Variants in CD99L2 observed in about 807,000 individuals in gnomAD.
CD99L2 encodes the protein CD99 antigen-like protein 2.
Under a neutral mutation model 27.3 loss-of-function variants are expected in CD99L2, and 24 were observed. That is an observed-to-expected ratio of 0.88 (90% CI 0.64 to 1.24). The LOEUF (loss-of-function observed/expected upper bound fraction) is 1.24, where lower values mean the gene tolerates loss of function less well. Among genes scored for constraint, CD99L2 ranks in the 50% most tolerant of loss-of-function variants. CD99L2 has a pLI of 0.00. For missense variants in CD99L2, 255 were observed against 221.6 expected (o/e 1.15, Z -0.96); for synonymous variants, 97 against 87.9 (o/e 1.10, Z -0.58).
chrX:150,856,038 C>T (rs188315597), intron 1 of CD99L2, among the ~76,000 whole-genome samples: 256 of 112,785 alleles, frequency 2.3e-3, no homozygotes, highest in Non-Finnish European at 3.5e-3. Context: ...TTAAATTCTT[C>T]CCTATCATTC....
At chrX:150,874,618 C>T (rs1023754106) in intron 1 of CD99L2, among the ~76,000 whole-genome samples, 1 of 111,644 alleles carries the variant, frequency 9.0e-6, no homozygotes, top group Non-Finnish European at 1.9e-5. Flanking sequence ...AGGAGAAATG[C>T]CACACCCAGG....
intron 7 of CD99L2, among the ~76,000 whole-genome samples, chrX:150,778,709 T>TAA (rs2045458412): frequency 3.7e-5 from 3 of 80,109 alleles, no homozygotes; most frequent in African/African-American, 1.2e-4. Context: ...TATATATATA[T>TAA]AAATAAAAGA....
chrX:150,830,170 A>G (rs1295971699), intron 2 of CD99L2, among the ~76,000 whole-genome samples: 1 of 110,527 alleles, frequency 9.0e-6, no homozygotes, highest in African/African-American at 3.3e-5. Flanking sequence ...TAAATAAATA[A>G]ACAAATAAAT....
chrX:150,768,909 ACT>A lies in CD99L2; in HGVS notation c.*123_*124del. 9.4e-7 allele frequency: 1 copy of A among 1,064,138 alleles called. No individual in the cohort carries two copies. The highest frequency in any genetic ancestry group is 1.2e-6 in the Non-Finnish European group (1 of 832,479). 87.7% of individuals were successfully genotyped at this position (1,064,138 alleles called of 1,213,427 possible). ...CAAACACCCAGAGCTCATCCGGGAA[ACT>A]CAGACCAACAAGGAGCCGATGGCAC... On this transcript the variant is annotated 3_prime_UTR_variant, in exon 11 of 11. Transcript: ENST00000370377.
chrX:150,814,837 G>T (rs2046128166), intron 4 of CD99L2, 25 bp downstream of exon 4: 2 of 1,128,222 alleles, frequency 1.8e-6, no homozygotes, highest in Non-Finnish European at 2.4e-6. Context: ...GAATCCTGTA[G>T]TAGTTTCAAC....
intron 1 of CD99L2, among the ~76,000 whole-genome samples, chrX:150,844,081 C>G (rs2046663437): frequency 8.9e-6 from 1 of 112,267 alleles, no homozygotes; most frequent in African/African-American, 3.2e-5. Context: ...GAATAACACT[C>G]AAATCAGTCC....
intron 4 of CD99L2, among the ~76,000 whole-genome samples, chrX:150,808,128 A>C (rs1208137332): frequency 1.8e-5 from 2 of 112,514 alleles, no homozygotes; most frequent in Non-Finnish European, 3.8e-5. Flanking sequence ...GCTTCATACA[A>C]CAAAAGACAT....
At chrX:150,856,548 T>C (rs1557421755) in intron 1 of CD99L2, among the ~76,000 whole-genome samples, 1 of 95,933 alleles carries the variant, frequency 1.0e-5, no homozygotes, top group Non-Finnish European at 2.1e-5. Context: ...ATAATTATGC[T>C]GAGTGACAGA....
At chrX:150,777,550 G>C (rs1332538055) in intron 7 of CD99L2, 68 bp from the exon 8 acceptor site, 39 of 1,084,509 alleles carry the variant, frequency 3.6e-5, no homozygotes, top group Non-Finnish European at 4.8e-5. Flanking sequence ...GGGCCTCCGC[G>C]AGACGGATGG....
chrX:150,772,045 C>A (rs1162268386), intron 9 of CD99L2, among the ~76,000 whole-genome samples: 1 of 112,412 alleles, frequency 8.9e-6, no homozygotes, highest in East Asian at 2.8e-4. Flanking sequence ...GTGTTCTGCA[C>A]CCCGGTCCCC....
intron 2 of CD99L2, among the ~76,000 whole-genome samples, chrX:150,826,603 T>C (rs1251977098): frequency 9.0e-6 from 1 of 111,560 alleles, no homozygotes; most frequent in Non-Finnish European, 1.9e-5. Flanking sequence ...ACAAGAAGAA[T>C]TGGGGGATTG....
chrX:150,796,149 C>G (rs899769776), intron 4 of CD99L2, among the ~76,000 whole-genome samples: 1 of 112,094 alleles, frequency 8.9e-6, no homozygotes, highest in Admixed American at 9.4e-5. Context: ...AAGACAGAGA[C>G]AGTGCTGTAT....
chrX:150,896,705 G>A lies in CD99L2; in HGVS notation c.67+1817C>T, dbSNP rs148575156. On this transcript the variant is annotated intron_variant, in intron 1 of 10. Transcript: ENST00000370377. ...ATCATATGGATGATCAAACAAGTTC[G>A]GGGAACTCATTTTCCCATGGTCCCT... is the stretch of plus-strand genomic sequence containing the variant. Among the ~76,000 whole-genome samples, 753 of 112,344 alleles carry A rather than the reference G, an allele frequency of 6.7e-3. 7 individuals are homozygous for A. The highest frequency in any genetic ancestry group is 7.4e-3 in the Non-Finnish European group (393 of 53,260).
chrX:150,824,183 G>A (rs1273327162), intron 2 of CD99L2, among the ~76,000 whole-genome samples: 20 of 72,069 alleles, frequency 2.8e-4, no homozygotes, highest in African/African-American at 8.0e-4. Flanking sequence ...GGAGAAGGAG[G>A]AGGAGGAAGA....
chrX:150,793,923 G>A (rs188975570), intron 6 of CD99L2, among the ~76,000 whole-genome samples, 167 bp from the exon 7 acceptor site: 12 of 111,195 alleles, frequency 1.1e-4, no homozygotes, highest in Admixed American at 2.9e-4. Flanking sequence ...TGGTGTACAT[G>A]TCCCGCATAA....
At chrX:150,885,610 C>T (rs782185147) in intron 1 of CD99L2, among the ~76,000 whole-genome samples, 10 of 112,251 alleles carry the variant, frequency 8.9e-5, no homozygotes, top group South Asian at 3.7e-4. Context: ...ACATTTCCCA[C>T]GTTTACTACG....
intron 2 of CD99L2, among the ~76,000 whole-genome samples, chrX:150,822,022 A>G (rs1036029802): frequency 1.8e-5 from 2 of 112,149 alleles, no homozygotes; most frequent in Admixed American, 1.9e-4. Context: ...TCCTAGGTAT[A>G]TATCGAAAAG....
intron 1 of CD99L2, among the ~76,000 whole-genome samples, chrX:150,887,449 G>GAAATAAATAAATAAATAAAT (rs200189117): frequency 7.1e-5 from 7 of 98,343 alleles, no homozygotes; most frequent in Middle Eastern, 5.2e-3. Flanking sequence ...TCCGTCTCCA[G>GAAATAAATAAATAAATAAAT]AAATAAATAA....
rs781864384 is a variant in CD99L2 at position 150,821,227 on chromosome X, G to T, written c.131-5149C>A. ...ATAGCCAAATCGATCTTTAAAAAAA[G>T]AGCAAAATAGCAGTCACACCTCTCA... On this transcript the variant is annotated intron_variant, in intron 2 of 10. Coordinates refer to ENST00000370377, the MANE Select transcript of CD99L2 (RefSeq NM_031462.4). 1.5e-3 allele frequency among the ~76,000 whole-genome samples: 165 copies of T among 111,905 alleles called. 2 individuals are homozygous for T. Among genetic ancestry groups the T allele is most frequent in the African/African-American group, 4.4e-3 (136 of 30,898 alleles).
Sources: allele counts gnomAD v4.1 joint callset (sites outside exome capture counted in the v4.1 genomes callset), GRCh38; gene constraint gnomAD v4.1.1; transcripts MANE v1.5; gene names NCBI Gene and HGNC (gene_info 2026-07-23, HGNC 2026-07-21).